The following NQO2 variants were observed in gnomAD, a reference collection of about 807,000 sequenced individuals.
NQO2 encodes N-ribosyldihydronicotinamide:quinone dehydrogenase 2, also known as ribosyldihydronicotinamide dehydrogenase [quinone].
In NQO2, 18 loss-of-function variants were observed where a neutral mutation model predicts 22.0. The observed-to-expected ratio is 0.82, with a 90% CI of 0.56 to 1.21. The LOEUF is 1.21. NQO2 is among the 50% of genes most tolerant of loss of function. NQO2 has a pLI of 0.00. For synonymous variants in NQO2, 106 were observed against 110.8 expected (o/e 0.96, Z 0.28); for missense variants, 267 against 286.9 (o/e 0.93, Z 0.50).
At position 3,016,977 on chromosome 6, in the gene NQO2, C is replaced by T. The variant is rs777543399; in HGVS notation, c.511C>T (p.Pro171Ser). Residue 171 changes from proline (P) to serine (S), a missense_variant, in exon 6 of 7, where the codon CCA (proline) becomes TCA (serine). Pro to Ser is a moderately conservative substitution (Grantham distance 74). Transcript: ENST00000380455. Reference sequence around the variant, plus strand: ...TGGAGATTCTCGATACTTCCTGTGGCCACTCCAGGTAGACCAGCTGCGAGT... The same window carrying T: ...TGGAGATTCTCGATACTTCCTGTGGTCACTCCAGGTAGACCAGCTGCGAGT... ...VNGDSRYFLW[P>S]LQHGTLHFCG... is the part of the protein sequence containing the mutation. 2.5e-6 allele frequency: 4 copies of T among 1,613,710 alleles called. No individual in the cohort carries two copies. The highest frequency in any genetic ancestry group is 2.5e-6 in the Non-Finnish European group (3 of 1,179,980).
intron 4 of NQO2, among the ~76,000 whole-genome samples, chr6:3,013,290 G>A (rs558192876): frequency 6.6e-6 from 1 of 152,204 alleles, no homozygotes; most frequent in South Asian, 2.1e-4. Flanking sequence ...ACCTAATTGG[G>A]TAAAGATATC....
At chr6:3,000,711 T>A (rs1756657885) in intron 1 of NQO2, among the ~76,000 whole-genome samples, 1 of 151,998 alleles carries the variant, frequency 6.6e-6, no homozygotes, top group African/African-American at 2.4e-5. Flanking sequence ...CTGGCTAATT[T>A]TTTGTATGTT....
At chr6:3,016,005 C>A (rs1020427775) in intron 5 of NQO2, among the ~76,000 whole-genome samples, 5 of 152,202 alleles carry the variant, frequency 3.3e-5, no homozygotes, top group South Asian at 2.1e-4. Flanking sequence ...CCTGGCCTGG[C>A]ACAAGTTCAC....
At chr6:3,007,112 C>T (rs1254782080) in intron 2 of NQO2, among the ~76,000 whole-genome samples, 3 of 152,132 alleles carry the variant, frequency 2.0e-5, no homozygotes, top group Non-Finnish European at 4.4e-5. Flanking sequence ...TTCGGATTTT[C>T]GCCCTTGGCA....
At chr6:3,002,364 A>C (rs1756764028) in intron 1 of NQO2, 1 of 425,872 alleles carries the variant, frequency 2.3e-6, no homozygotes. Flanking sequence ...GCTGGAGTGC[A>C]ATGGCACAAT....
chr6:3,012,595 C>T lies in NQO2; in HGVS notation c.224C>T (p.Ala75Val). The T allele has an allele frequency of 6.2e-7, 1 of 1,614,152 alleles. No individual in the cohort carries two copies. Among genetic ancestry groups the T allele is most frequent in the Non-Finnish European group, 8.5e-7 (1 of 1,180,040 alleles). Residue 75 changes from alanine (A) to valine (V), a missense_variant, in exon 4 of 7, where the codon GCC becomes GTC. Transcript: ENST00000380455. ...AATTATGGAGTGGAAACCCACGAAG[C>T]CTACAAGCAAAGGTCTCTGGCTAGC... ...VFNYGVETHE[A>V]YKQRSLASDI...
At chr6:3,016,508 C>CTGAG (rs1757333971) in intron 5 of NQO2, among the ~76,000 whole-genome samples, 1 of 150,908 alleles carries the variant, frequency 6.6e-6, no homozygotes, top group Admixed American at 6.6e-5. Flanking sequence ...GGGAAACATA[C>CTGAG]TGAGTAACCA....
intron 3 of NQO2, 82 bp from the exon 4 acceptor site, chr6:3,012,462 T>C: frequency 4.4e-6 from 7 of 1,582,316 alleles, no homozygotes; most frequent in Non-Finnish European, 6.0e-6. Flanking sequence ...AGGAGTCCGG[T>C]ATACACAGTG....
chr6:3,015,723 C>G, intron 5 of NQO2, 80 bp downstream of exon 5: 2 of 1,357,120 alleles, frequency 1.5e-6, no homozygotes, highest in Non-Finnish European at 2.1e-6. Context: ...AGTTATATTT[C>G]TAGTTTCCTT....
At chr6:3,013,209 C>CT (rs199576338) in intron 4 of NQO2, among the ~76,000 whole-genome samples, 4,103 of 152,166 alleles carry the variant, frequency 0.027, 201 homozygotes, top group African/African-American at 0.094. Flanking sequence ...CCCGCCTCGG[C>CT]CTCCCAAAGT....
chr6:3,013,122 G>GT (rs1757204195), intron 4 of NQO2, among the ~76,000 whole-genome samples: 1 of 151,036 alleles, frequency 6.6e-6, no homozygotes, highest in Admixed American at 6.6e-5. Context: ...CGCCCGGCTA[G>GT]TTTTTTGTAT....
At position 3,006,464 on chromosome 6, in the gene NQO2, C is replaced by T. The variant is rs769447818; in HGVS notation, c.-85-4C>T. 1 of 1,604,724 alleles carries T rather than the reference C, an allele frequency of 6.2e-7. No homozygotes were observed. Among genetic ancestry groups the T allele is most frequent in the Middle Eastern group, 1.7e-4 (1 of 6,028 alleles). ...ACCCCCTCTGGGTTCGTTTTGTCTT[C>T]CAGATTGCTGGACTCGCTGAAGAGA... On this transcript the variant is annotated splice_region_variant and splice_polypyrimidine_tract_variant and intron_variant, in intron 1 of 6. Transcript: ENST00000380455. The surrounding 1 kb of genome is among the most constrained non-coding windows in gnomAD (Gnocchi z 4.0).
At chr6:3,018,437 G>A (rs1265240573) in intron 6 of NQO2, among the ~76,000 whole-genome samples, 4 of 152,146 alleles carry the variant, frequency 2.6e-5, no homozygotes, top group East Asian at 3.8e-4. Flanking sequence ...CCTGAGAGAC[G>A]GAGGTTGCAG....
chr6:3,003,051 G>A (rs546053753), intron 1 of NQO2, among the ~76,000 whole-genome samples: 12 of 152,248 alleles, frequency 7.9e-5, no homozygotes, highest in African/African-American at 2.2e-4. Context: ...GGCTTTGCCA[G>A]GCCTCCCTAT....
chr6:3,011,614 G>A (rs1020844512), intron 3 of NQO2, among the ~76,000 whole-genome samples: 10 of 152,122 alleles, frequency 6.6e-5, no homozygotes, highest in African/African-American at 1.2e-4. Context: ...AGAATAAACA[G>A]ATTTGACTCA....
At chr6:3,004,518 A>G in intron 1 of NQO2, 3 of 985,062 alleles carry the variant, frequency 3.0e-6, no homozygotes, top group Non-Finnish European at 3.6e-6. Flanking sequence ...GGTGGAGCCC[A>G]CTCCTCAGCA....
rs377401042 is a variant in NQO2 at position 3,010,134 on chromosome 6, G to A, written c.117G>A (p.Val39=). ...GCAGGCAGGGCTGCACCGTCACAGT[G>A]TCTGATTTGTATGCCATGAACCTTG... ...ELSRQGCTVT[V]SDLYAMNLEP... Residue 39 remains valine (V), a synonymous_variant, in exon 3 of 7, where the codon GTG becomes GTA. Coordinates refer to ENST00000380455, the MANE Select transcript of NQO2 (RefSeq NM_000904.6). 6.8e-6 allele frequency: 11 copies of A among 1,613,824 alleles called. No individual in the cohort carries two copies. The African/African-American group carries it at 1.3e-4, about 20-fold the overall frequency.
chr6:3,012,636 C>T lies in NQO2; in HGVS notation c.265C>T (p.Gln89Ter). The T allele has an allele frequency of 2.5e-6, 4 of 1,613,856 alleles. No individual in the cohort carries two copies. The highest frequency in any genetic ancestry group is 3.4e-6 in the Non-Finnish European group (4 of 1,179,918). The stretch of plus-strand genomic sequence containing the variant: ...TCTGGCTAGCGACATCACTGATGAG[C>T]AGAAAAAGGTTCGGGAGGCTGACCT... ...RSLASDITDE[Q>*]KKVREADLVI... is the part of the protein sequence containing the mutation. The change falls in exon 4 of 7, where the codon CAG (glutamine) becomes TAG (stop). Residue 89 changes from glutamine to a stop codon, truncating the protein, a stop_gained. Coordinates refer to ENST00000380455, the MANE Select transcript of NQO2 (RefSeq NM_000904.6). LOFTEE classifies it high-confidence loss of function.
rs571734015 is a variant in NQO2, at chr6:3,014,426, C to T, written c.304-1104C>T. 3.3e-5 allele frequency among the ~76,000 whole-genome samples: 5 copies of T among 152,236 alleles called. No individual in the cohort carries two copies. The South Asian group carries it at 8.3e-4, about 25-fold the overall frequency. ...TATGACGGGCCTGTATCCTGGGGTG[C>T]GTGGTCCCAGCAGAGCCACGCTGAG... On this transcript the variant is annotated intron_variant, in intron 4 of 6. Transcript: ENST00000380455.
Sources: gnomAD v4.1 joint callset for allele counts (sites outside exome capture counted in the v4.1 genomes callset) on GRCh38, gnomAD v4.1.1 for gene constraint, Gnocchi (gnomAD v3.1) non-coding constraint, MANE v1.5 for transcripts, NCBI Gene and HGNC (gene_info 2026-07-23, HGNC 2026-07-21) for gene names.